The following SYN2 variants were observed in gnomAD, a reference collection of about 807,000 sequenced individuals.
The protein encoded by SYN2 is synapsin II, also known as synapsin-2.
Under a neutral mutation model 50.9 loss-of-function variants are expected in SYN2, and 19 were observed. The ratio of observed to expected loss-of-function variants is 0.37; its 90% CI spans 0.26 to 0.55. The LOEUF (loss-of-function observed/expected upper bound fraction) is 0.55, where lower values mean the gene tolerates loss of function less well. SYN2 is among the 20% of genes least tolerant of loss of function. The probability of loss-of-function intolerance (pLI) is 0.81; values close to 1 mark genes in which losing one functional copy is unlikely to be tolerated. For missense variants in SYN2, 587 were observed against 576.4 expected (o/e 1.02, Z -0.19); for synonymous variants, 255 against 224.9 (o/e 1.13, Z -1.20).
In SYN2 at chr3:12,185,870, G is replaced by A. The variant is rs984070193; in HGVS notation, c.1370-1499G>A. 1.5e-5 allele frequency: 10 copies of A among 666,020 alleles called. No individual in the cohort carries two copies. The African/African-American group carries it at 1.8e-4, about 12-fold the overall frequency. 41.3% of individuals were successfully genotyped at this position (666,020 alleles called of 1,614,324 possible). ...CTAATGCAAATGATGCCAAACTTTG[G>A]AAGTGGCAAAAGCTGGTTAATGTGA... On this transcript the variant is annotated intron_variant, in intron 11 of 12. Coordinates refer to ENST00000621198, the MANE Select transcript of SYN2 (RefSeq NM_133625.6).
intron 1 of SYN2, among the ~76,000 whole-genome samples, chr3:12,106,503 A>G (rs961131147): frequency 1.3e-5 from 2 of 152,176 alleles, no homozygotes; most frequent in Non-Finnish European, 2.9e-5. Context: ...ACTGGATCCT[A>G]AGAGTCTTGA....
rs544641337 is a variant in SYN2, at chr3:12,160,791, T to TA, written c.775-754dup. Among the ~76,000 whole-genome samples, 32 of 152,360 alleles carry TA rather than the reference T, an allele frequency of 2.1e-4. 1 individual carries two copies. Among genetic ancestry groups the TA allele is most frequent in the Admixed American group, 4.6e-4 (7 of 15,306 alleles). On this transcript the variant is annotated intron_variant, in intron 5 of 12. Coordinates refer to ENST00000621198, the MANE Select transcript of SYN2 (RefSeq NM_133625.6). ...CCTTCCACTCCACAATATTACTTCT[T>TA]ACATCACCATTTTGTAGCAGCTTGA...
Position 12,179,374 on chromosome 3 carries a change from GAAAAAAAAAAAA to G in SYN2, c.1309-3926_1309-3915del, listed in dbSNP as rs536283283. Among the ~76,000 whole-genome samples the G allele has an allele frequency of 5.4e-5, 5 of 92,570 alleles. No homozygotes were observed. In the East Asian group the frequency reaches 1.1e-3, roughly 21 times the overall value. The allele number at this position is 92,570 out of a possible 152,430, so 60.7% of individuals were successfully genotyped here. A position where few individuals can be genotyped will look rare whatever the true frequency, so the allele number is the denominator to read the frequency against. Reference sequence around the variant, plus strand: ...TTCTCACACACCGGAAGAACTGAAAGAAAAAAAAAAAAAAAAAAAAAAAGCATAAACGAATTC... The same window carrying G: ...TTCTCACACACCGGAAGAACTGAAAGAAAAAAAAAAAGCATAAACGAATTC... On this transcript the variant is annotated intron_variant, in intron 10 of 12. Transcript: ENST00000621198.
At position 12,153,592 on chromosome 3, in the gene SYN2, GC is replaced by G; in HGVS notation, c.774+2267del. ...TACCAGCTGCAGGTGCCGTCAACAT[GC>G]TTCATACAGACATAATGCTGAGCCT... On this transcript the variant is annotated intron_variant, in intron 5 of 12. Transcript: ENST00000621198. The G allele has an allele frequency of 2.5e-6, 4 of 1,614,132 alleles. No individual in the cohort carries two copies. The South Asian group carries it at 4.4e-5, about 18-fold the overall frequency.
intron 1 of SYN2, among the ~76,000 whole-genome samples, chr3:12,011,218 G>A (rs1693905342): frequency 6.6e-6 from 1 of 152,150 alleles, no homozygotes; most frequent in African/African-American, 2.4e-5. Context: ...TAAATGAATT[G>A]TGGAAAATCT....
At chr3:12,067,304 G>A (rs1273698081) in intron 1 of SYN2, among the ~76,000 whole-genome samples, 1 of 152,022 alleles carries the variant, frequency 6.6e-6, no homozygotes, top group South Asian at 2.1e-4. Flanking sequence ...AAAGAAAAAA[G>A]GGATGTTTTT....
chr3:12,067,788 G>A (rs950077970), intron 1 of SYN2, among the ~76,000 whole-genome samples: 8 of 152,176 alleles, frequency 5.3e-5, no homozygotes, highest in Non-Finnish European at 8.8e-5. Flanking sequence ...GGCCAGGCAC[G>A]GTGGGCCCAT....
intron 1 of SYN2, among the ~76,000 whole-genome samples, chr3:12,116,319 G>T (rs1224734189): frequency 6.6e-6 from 1 of 152,162 alleles, no homozygotes; most frequent in East Asian, 1.9e-4. Flanking sequence ...ATCAGAGAAA[G>T]GTTGGAAGAA....
intron 1 of SYN2, among the ~76,000 whole-genome samples, chr3:12,132,655 A>G (rs1007560188): frequency 1.3e-5 from 2 of 152,168 alleles, no homozygotes; most frequent in Admixed American, 6.5e-5. Context: ...GACCATTTCT[A>G]CTTTCATCAT....
chr3:12,184,296 C>G, intron 11 of SYN2: 1 of 984,874 alleles, frequency 1.0e-6, no homozygotes, highest in Non-Finnish European at 1.2e-6. Context: ...GTTGTTTCTT[C>G]ATTGTTGCTG....
intron 10 of SYN2, among the ~76,000 whole-genome samples, chr3:12,182,475 C>T (rs989717811): frequency 1.3e-5 from 2 of 152,176 alleles, no homozygotes; most frequent in African/African-American, 2.4e-5. Context: ...TCTTTAATCC[C>T]GTCAGGGCAT....
At chr3:12,117,824 C>G (rs1318503745) in intron 1 of SYN2, among the ~76,000 whole-genome samples, 2 of 152,168 alleles carry the variant, frequency 1.3e-5, no homozygotes, top group African/African-American at 4.8e-5. Flanking sequence ...CAGGAGTCAG[C>G]CTTCCTGGAG....
chr3:12,030,361 C>T (rs1201505799), intron 1 of SYN2, among the ~76,000 whole-genome samples: 2 of 114,486 alleles, frequency 1.7e-5, no homozygotes, highest in African/African-American at 6.3e-5. Flanking sequence ...TGTCTCTACC[C>T]GGCTTTGGTA....
At chr3:12,187,644 C>T in intron 12 of SYN2, 32 bp downstream of exon 12, 2 of 1,513,360 alleles carry the variant, frequency 1.3e-6, no homozygotes, top group Non-Finnish European at 1.8e-6. Flanking sequence ...CCTCCCTCCC[C>T]TCCTCCTACC....
chr3:12,183,068 G>T (rs562658251), intron 10 of SYN2, among the ~76,000 whole-genome samples: 2 of 152,214 alleles, frequency 1.3e-5, no homozygotes, highest in Non-Finnish European at 2.9e-5. Flanking sequence ...GGTTGAAGAG[G>T]TCTCAGGCAT....
chr3:12,141,040 C>T (rs1697007844), intron 2 of SYN2, among the ~76,000 whole-genome samples: 1 of 152,114 alleles, frequency 6.6e-6, no homozygotes, highest in Non-Finnish European at 1.5e-5. Context: ...CACGTTACCT[C>T]CGTATTGTTG....
intron 5 of SYN2, chr3:12,153,826 C>G: frequency 8.7e-7 from 1 of 1,145,250 alleles, no homozygotes; most frequent in Admixed American, 2.0e-5. Context: ...CCTATCTTAT[C>G]AAGCCTTTCC....
At chr3:12,180,043 G>T (rs1167880507) in intron 10 of SYN2, among the ~76,000 whole-genome samples, 1 of 152,148 alleles carries the variant, frequency 6.6e-6, no homozygotes, top group Non-Finnish European at 1.5e-5. Flanking sequence ...CCACCTCCCA[G>T]GCTCAAGCTA....
At chr3:12,187,222 C>G (rs1698359315) in intron 11 of SYN2, 147 bp from the exon 12 acceptor site, 11 of 1,175,072 alleles carry the variant, frequency 9.4e-6, no homozygotes, top group South Asian at 2.1e-5. Flanking sequence ...CCAAGGACCC[C>G]CTTTAGGGCC....
Sources: allele counts gnomAD v4.1 joint callset (sites outside exome capture counted in the v4.1 genomes callset), GRCh38; gene constraint gnomAD v4.1.1; transcripts MANE v1.5; gene names NCBI Gene and HGNC (gene_info 2026-07-23, HGNC 2026-07-21).